MYLK4: variants seen among roughly 807,000 people sequenced by gnomAD.
The protein encoded by MYLK4 is myosin light chain kinase family member 4.
A neutral mutation model predicts 48.1 loss-of-function variants in MYLK4; 46 were observed. That is an observed-to-expected ratio of 0.96 (90% CI 0.75 to 1.22). The LOEUF (loss-of-function observed/expected upper bound fraction) is 1.22. MYLK4 is among the 50% of genes most tolerant of loss of function. The pLI, the probability that MYLK4 is intolerant of heterozygous loss-of-function variation, is 0.00. For synonymous variants in MYLK4, 170 were observed against 180.8 expected, an observed-to-expected ratio of 0.94 and a Z score of 0.48; for missense variants, 451 against 486.1, an observed-to-expected ratio of 0.93 and a Z score of 0.68.
the MYLK4 span, chr6:2,766,048 G>A: frequency 7.7e-7 from 1 of 1,296,212 alleles, no homozygotes; most frequent in African/African-American, 1.5e-5. Flanking sequence ...CGGGGAAGAG[G>A]CCGGCGGCCG....
chr6:2,671,524 G>A (rs1041452392), intron 11 of MYLK4, among the ~76,000 whole-genome samples, 176 bp from the exon 12 acceptor site: 1 of 152,240 alleles, frequency 6.6e-6, no homozygotes, highest in Middle Eastern at 3.4e-3. Flanking sequence ...CAACCTCAGA[G>A]TCCATCTCAG....
intron 2 of MYLK4, among the ~76,000 whole-genome samples, chr6:2,737,508 G>C (rs1763720562): frequency 1.3e-5 from 2 of 152,180 alleles, no homozygotes; most frequent in Non-Finnish European, 2.9e-5. Flanking sequence ...GAGGACAGTT[G>C]GGGTGGGGAG....
the MYLK4 span, chr6:2,766,174 C>A: frequency 3.2e-3 from 4,264 of 1,343,960 alleles, 9 homozygotes; most frequent in Non-Finnish European, 3.8e-3. Context: ...ACGGCGAGGA[C>A]GACCCGGGGC....
chr6:2,715,215 C>T (rs1762824993), intron 2 of MYLK4, among the ~76,000 whole-genome samples: 1 of 149,584 alleles, frequency 6.7e-6, no homozygotes, highest in African/African-American at 2.5e-5. Context: ...AGCTGAGATC[C>T]TGCCATTGTA....
At chr6:2,770,289 C>T in the MYLK4 span, 2 of 1,614,174 alleles carry the variant, frequency 1.2e-6, no homozygotes, top group Non-Finnish European at 1.7e-6. Context: ...GCGATCAACT[C>T]CCTGGGAATC....
At position 2,724,925 on chromosome 6, in the gene MYLK4, C is replaced by T. The variant is rs561369088; in HGVS notation, c.159+24211G>A. Reference sequence around the variant, plus strand: ...GGGCATTTTGGGAGGCCGAGGTGGACGGATCACCTGAGGTCAGGAGTTTAA... The same window carrying T: ...GGGCATTTTGGGAGGCCGAGGTGGATGGATCACCTGAGGTCAGGAGTTTAA... On this transcript the variant is annotated intron_variant, in intron 2 of 12. Coordinates refer to ENST00000274643, the MANE Select transcript of MYLK4 (RefSeq NM_001012418.5). Among the ~76,000 whole-genome samples, 10 of 152,134 alleles carry T rather than the reference C, an allele frequency of 6.6e-5. No individual in the cohort carries two copies. In the South Asian group the frequency reaches 1.7e-3, roughly 25 times the overall value.
intron 2 of MYLK4, among the ~76,000 whole-genome samples, chr6:2,713,030 G>A (rs921278418): frequency 1.2e-4 from 19 of 152,130 alleles, no homozygotes; most frequent in African/African-American, 4.6e-4. Flanking sequence ...AAAGATTATT[G>A]TGAGGCCAAG....
chr6:2,766,417 C>T, the MYLK4 span: 197 of 1,592,528 alleles, frequency 1.2e-4, no homozygotes, highest in African/African-American at 4.0e-4. Context: ...CCTCGCTTAT[C>T]CTGTGGGGGC....
At chr6:2,764,074 G>C in the MYLK4 span, among the ~76,000 whole-genome samples, 2 of 152,350 alleles carry the variant, frequency 1.3e-5, no homozygotes, top group African/African-American at 2.4e-5. Context: ...GGAGGTTGCC[G>C]TGAGCTGAGA....
chr6:2,766,739 A>G, the MYLK4 span, among the ~76,000 whole-genome samples: 262 of 152,326 alleles, frequency 1.7e-3, no homozygotes, highest in African/African-American at 5.6e-3. Flanking sequence ...ATCTGCCTTT[A>G]TCTTCCATCG....
intron 1 of MYLK4, among the ~76,000 whole-genome samples, chr6:2,750,220 C>A (rs189762281): frequency 6.6e-6 from 1 of 152,288 alleles, no homozygotes; most frequent in Non-Finnish European, 1.5e-5. Context: ...GCATTTTCTC[C>A]GCTTAAAAAC....
At chr6:2,714,153 G>A (rs1018524687) in intron 2 of MYLK4, among the ~76,000 whole-genome samples, 2 of 152,126 alleles carry the variant, frequency 1.3e-5, no homozygotes, top group Non-Finnish European at 2.9e-5. Flanking sequence ...TCCAGGACCC[G>A]GTCAGAGGAA....
chr6:2,724,212 C>T (rs1763168404), intron 2 of MYLK4, among the ~76,000 whole-genome samples: 1 of 152,148 alleles, frequency 6.6e-6, no homozygotes, highest in Admixed American at 6.5e-5. Flanking sequence ...TGTTTTCCCT[C>T]CCTTACCCAG....
At chr6:2,680,715 T>A (rs1055741132) in intron 7 of MYLK4, among the ~76,000 whole-genome samples, 1 of 152,204 alleles carries the variant, frequency 6.6e-6, no homozygotes, top group Non-Finnish European at 1.5e-5. Context: ...ATTGACCTGC[T>A]CCATTCAAAC....
intron 2 of MYLK4, among the ~76,000 whole-genome samples, chr6:2,731,803 C>T (rs569331364): frequency 2.2e-4 from 33 of 152,302 alleles, no homozygotes; most frequent in Non-Finnish European, 3.8e-4. Context: ...GTTTTATATG[C>T]GTAGGTTATC....
the MYLK4 span, among the ~76,000 whole-genome samples, chr6:2,756,290 A>G: frequency 6.6e-6 from 1 of 152,162 alleles, no homozygotes; most frequent in Non-Finnish European, 1.5e-5. Flanking sequence ...TACACTCCCT[A>G]TATTCTTTAT....
intron 3 of MYLK4, among the ~76,000 whole-genome samples, chr6:2,690,964 G>T: frequency 6.6e-6 from 1 of 151,868 alleles, no homozygotes; most frequent in Non-Finnish European, 1.5e-5. Flanking sequence ...GAGTAGCTGG[G>T]ACTACAGGCG....
chr6:2,715,436 T>G (rs1241547724), intron 2 of MYLK4, among the ~76,000 whole-genome samples: 1 of 152,154 alleles, frequency 6.6e-6, no homozygotes, highest in African/African-American at 2.4e-5. Flanking sequence ...TTTTTTTAAG[T>G]CATAAAAGCC....
At chr6:2,733,568 A>G (rs947104257) in intron 2 of MYLK4, among the ~76,000 whole-genome samples, 1 of 152,216 alleles carries the variant, frequency 6.6e-6, no homozygotes, top group Non-Finnish European at 1.5e-5. Flanking sequence ...CTGAGCTGTA[A>G]GAGGGAGGGG....
Sources: allele counts gnomAD v4.1 joint callset (sites outside exome capture counted in the v4.1 genomes callset), GRCh38; gene constraint gnomAD v4.1.1; transcripts MANE v1.5; gene names NCBI Gene and HGNC (gene_info 2026-07-23, HGNC 2026-07-21).